Variants in DHX8 observed in about 807,000 individuals in gnomAD.
The protein encoded by DHX8 is DEAH-box helicase 8.
In DHX8, 67 loss-of-function variants were observed where a neutral mutation model predicts 140.7. The ratio of observed to expected loss-of-function variants is 0.48; its 90% CI spans 0.39 to 0.58. The LOEUF (loss-of-function observed/expected upper bound fraction) is 0.58. Ranked by LOEUF, DHX8 falls within the 20% of genes least tolerant of loss-of-function variation. The pLI is 0.00. For missense variants in DHX8, 887 were observed against 1,550.7 expected (o/e 0.57, Z 7.19); for synonymous variants, 533 against 553.2 (o/e 0.96, Z 0.51).
At chr17:43,519,992 G>C in intron 18 of DHX8, 138 bp from the exon 19 acceptor site, 1 of 864,634 alleles carries the variant, frequency 1.2e-6, no homozygotes, top group South Asian at 1.6e-5. Context: ...CCCAGCCCTG[G>C]AAGTTACCGC....
At chr17:43,529,841 G>A (rs761075392), downstream of DHX8, 31 of 1,606,836 alleles carry the variant, frequency 1.9e-5, no homozygotes, top group Middle Eastern at 1.7e-4. Context: ...GGGACACAGC[G>A]TGATAAGACC....
chr17:43,539,138 T>C (rs1340436192), intron 3 of DHX8, among the ~76,000 whole-genome samples: 1 of 152,210 alleles, frequency 6.6e-6, no homozygotes, highest in Non-Finnish European at 1.5e-5. Flanking sequence ...CTCTCTGTTA[T>C]TTAAAGCATG....
intron 16 of DHX8, among the ~76,000 whole-genome samples, chr17:43,510,319 A>C (rs1270358963): frequency 1.3e-5 from 2 of 152,186 alleles, no homozygotes; most frequent in Non-Finnish European, 2.9e-5. Flanking sequence ...AAGCGCCGGG[A>C]TTCCAGGTGT....
chr17:43,528,911 C>T (rs1025449296), downstream of DHX8, among the ~76,000 whole-genome samples: 4 of 152,164 alleles, frequency 2.6e-5, no homozygotes, highest in Non-Finnish European at 4.4e-5. Context: ...ACAGTTCTTA[C>T]TCCTTTTTCA....
chr17:43,522,132 A>T lies in DHX8; in HGVS notation c.3349A>T (p.Lys1117Ter), dbSNP rs764831798. The T allele has an allele frequency of 6.2e-7, 1 of 1,614,130 alleles. No individual in the cohort carries two copies. Among genetic ancestry groups the T allele is most frequent in the South Asian group, 1.1e-5 (1 of 91,070 alleles). The stretch of plus-strand genomic sequence containing the variant: ...CAGTGGGTTCTTCCGTAATGCTGCC[A>T]AGAAAGACCCGCAGGAGGGTTACCG... ...ICSGFFRNAAKKDPQEGYRTL... is the reference protein window; with the variant it reads ...ICSGFFRNAA The change falls in exon 22 of 23, where the codon AAG (lysine) becomes TAG (stop). Residue 1117 changes from lysine to a stop codon, truncating the protein, a stop_gained. Coordinates refer to ENST00000262415, the MANE Select transcript of DHX8 (RefSeq NM_004941.3). LOFTEE classifies it high-confidence loss of function.
At chr17:43,536,660 C>T (rs1210889990) in intron 3 of DHX8, among the ~76,000 whole-genome samples, 1 of 152,290 alleles carries the variant, frequency 6.6e-6, no homozygotes, top group Non-Finnish European at 1.5e-5. Flanking sequence ...TACACTAACA[C>T]TAACGATAGC....
chr17:43,542,239 A>G (rs566964844), intron 3 of DHX8, among the ~76,000 whole-genome samples: 2 of 152,116 alleles, frequency 1.3e-5, no homozygotes, highest in East Asian at 3.9e-4. Context: ...ATACACCTTT[A>G]TGTATGGTGC....
chr17:43,496,560 C>T (rs1305660878), intron 9 of DHX8, among the ~76,000 whole-genome samples: 1 of 152,040 alleles, frequency 6.6e-6, no homozygotes, highest in Non-Finnish European at 1.5e-5. Flanking sequence ...AGCAGATCAC[C>T]TGAGGTTAGG....
At chr17:43,526,499 A>G (rs1410444580), downstream of DHX8, 27 of 1,535,476 alleles carry the variant, frequency 1.8e-5, no homozygotes, top group Non-Finnish European at 2.0e-5. Context: ...CCTGCAGCCC[A>G]AAGCACTTCC....
chr17:43,489,677 G>A (rs1307041225), intron 2 of DHX8, 143 bp downstream of exon 2: 5 of 553,250 alleles, frequency 9.0e-6, no homozygotes, highest in African/African-American at 4.0e-5. Context: ...TGCAAGCTCC[G>A]CCTCCCGGGT....
chr17:43,525,077 A>G lies in DHX8; in HGVS notation c.*1230A>G, dbSNP rs928785622. 2 of 985,176 alleles carry G rather than the reference A, an allele frequency of 2.0e-6. No homozygotes were observed. Among genetic ancestry groups the G allele is most frequent in the East Asian group, 2.3e-4 (2 of 8,810 alleles). 61.0% of individuals were successfully genotyped at this position (985,176 alleles called of 1,614,324 possible). ...CCAAAGCGCTGGGATTACAGTTGAG[A>G]GCCACTGTCCTCTGCACTGAGGAGG... is the stretch of plus-strand genomic sequence containing the variant. On this transcript the variant is annotated 3_prime_UTR_variant, in exon 23 of 23. Coordinates refer to ENST00000262415, the MANE Select transcript of DHX8 (RefSeq NM_004941.3).
intron 22 of DHX8, among the ~76,000 whole-genome samples, chr17:43,522,506 T>C (rs1970423231): frequency 6.6e-6 from 1 of 152,060 alleles, no homozygotes; most frequent in South Asian, 2.1e-4. Context: ...CCCAGCACTT[T>C]GGGAGGCTGA....
rs71160045 is a variant in DHX8, at chr17:43,511,456, A to ATTTTTTTTTTTTTTTTTTTTTTTTTT, written c.2503-1887_2503-1886insTTTTTTTTTTTTTTTTTTTTTTTTTT. ...AGTGGCTTATGCCTGTGATCCCAGC[A>ATTTTTTTTTTTTTTTTTTTTTTTTTT]TTTTTTTTTTTTTTTTTTTGAGACA... On this transcript the variant is annotated intron_variant, in intron 16 of 22. Transcript: ENST00000262415. Among the ~76,000 whole-genome samples the ATTTTTTTTTTTTTTTTTTTTTTTTTT allele has an allele frequency of 2.8e-4, 16 of 56,790 alleles. 8 individuals carry two copies. The highest frequency in any genetic ancestry group is 4.6e-4 in the African/African-American group (6 of 12,942). 37.3% of individuals were successfully genotyped at this position (56,790 alleles called of 152,430 possible). A position where few individuals can be genotyped will look rare whatever the true frequency, so the allele number is the denominator to read the frequency against.
intron 8 of DHX8, among the ~76,000 whole-genome samples, chr17:43,494,532 C>T (rs1015564829): frequency 1.3e-5 from 2 of 151,690 alleles, no homozygotes; most frequent in Non-Finnish European, 2.9e-5. Context: ...CCAGCCTGAC[C>T]GGTATGGTGA....
At chr17:43,534,067 G>A in intron 2 of DHX8, 1 of 1,375,162 alleles carries the variant, frequency 7.3e-7, no homozygotes, top group Non-Finnish European at 9.4e-7. Flanking sequence ...TCTGAGCTTT[G>A]AGGACCAGCT....
chr17:43,535,005 G>A (rs898535054), intron 2 of DHX8, among the ~76,000 whole-genome samples: 3 of 152,180 alleles, frequency 2.0e-5, no homozygotes, highest in Non-Finnish European at 2.9e-5. Flanking sequence ...CCACTTGAAT[G>A]TCAGCTGACT....
At chr17:43,501,502 A>G (rs1021390395) in intron 11 of DHX8, among the ~76,000 whole-genome samples, 1 of 152,126 alleles carries the variant, frequency 6.6e-6, no homozygotes, top group Non-Finnish European at 1.5e-5. Context: ...TTTGTTTCTG[A>G]GACAGAGTTT....
chr17:43,491,907 A>G (rs2086141863), intron 4 of DHX8, among the ~76,000 whole-genome samples: 3 of 152,206 alleles, frequency 2.0e-5, no homozygotes, highest in Admixed American at 6.5e-5. Flanking sequence ...TTCTATTAAT[A>G]TAATCATCAC....
intron 3 of DHX8, among the ~76,000 whole-genome samples, chr17:43,541,395 A>T (rs1971513555): frequency 6.6e-6 from 1 of 152,214 alleles, no homozygotes; most frequent in Admixed American, 6.5e-5. Context: ...GTCTGTCCCC[A>T]GCTCCATCCC....
Sources: allele counts gnomAD v4.1 joint callset (sites outside exome capture counted in the v4.1 genomes callset), GRCh38; gene constraint gnomAD v4.1.1; transcripts MANE v1.5; gene names NCBI Gene and HGNC (gene_info 2026-07-23, HGNC 2026-07-21).